Variants in NPHP4 observed in about 807,000 individuals in gnomAD.
NPHP4 encodes nephrocystin-4.
A neutral mutation model predicts 155.8 loss-of-function variants in NPHP4; 151 were observed. The observed-to-expected ratio is 0.97, with a 90% CI of 0.85 to 1.11. The LOEUF (loss-of-function observed/expected upper bound fraction) is 1.11, where lower values mean the gene tolerates loss of function less well. NPHP4 is among the 50% of genes least tolerant of loss of function. The pLI, the probability that NPHP4 is intolerant of heterozygous loss-of-function variation, is 0.00. For synonymous variants in NPHP4, 845 were observed against 816.8 expected (o/e 1.03, Z -0.59); for missense variants, 1,956 against 1,925.7 (o/e 1.02, Z -0.29).
chr1:5,872,753 A>C (rs942876777), intron 23 of NPHP4, among the ~76,000 whole-genome samples: 2 of 152,262 alleles, frequency 1.3e-5, no homozygotes, highest in African/African-American at 4.8e-5. Flanking sequence ...AATAAAAAAC[A>C]ACCTTCAGAA....
chr1:5,956,058 C>CT (rs1491440099), intron 6 of NPHP4, among the ~76,000 whole-genome samples: 11 of 33,168 alleles, frequency 3.3e-4, no homozygotes, highest in African/African-American at 7.8e-4. Flanking sequence ...TTTCAAAAAG[C>CT]TGGGGGGGGG....
chr1:5,871,304 A>G (rs1169276972), intron 23 of NPHP4, among the ~76,000 whole-genome samples: 1 of 152,192 alleles, frequency 6.6e-6, no homozygotes, highest in African/African-American at 2.4e-5. Flanking sequence ...GTGGCCTGAG[A>G]GAGGGCAGTT....
intron 16 of NPHP4, among the ~76,000 whole-genome samples, chr1:5,897,088 G>T (rs1383012741): frequency 2.0e-5 from 3 of 152,196 alleles, no homozygotes; most frequent in Non-Finnish European, 4.4e-5. Context: ...TCTTTGTGGA[G>T]CATGTATATG....
chr1:5,931,142 G>T (rs6660922), intron 10 of NPHP4, among the ~76,000 whole-genome samples: 16 of 152,060 alleles, frequency 1.1e-4, no homozygotes, highest in African/African-American at 3.4e-4. Flanking sequence ...TTTAATTTAC[G>T]TTATATTTAT....
chr1:5,911,326 C>T (rs1645168323), intron 11 of NPHP4, among the ~76,000 whole-genome samples: 2 of 152,210 alleles, frequency 1.3e-5, no homozygotes, highest in East Asian at 1.9e-4. Flanking sequence ...TGAAGCTCCA[C>T]GCCGTTCCTC....
rs1377347208 is a variant in NPHP4 at position 5,905,839 on chromosome 1, C to T, written c.1612-56G>A. On this transcript the variant is annotated intron_variant, in intron 13 of 29. Coordinates refer to ENST00000378156, the MANE Select transcript of NPHP4 (RefSeq NM_015102.5). The surrounding 1 kb of genome is among the most constrained non-coding windows in gnomAD (Gnocchi z 4.0). ...CACCAAGGACCCCAACCCGTAACAA[C>T]CAACGGTGCTCAGATCTAAGGGGAT... is the stretch of plus-strand genomic sequence containing the variant. 4.6e-6 allele frequency: 7 copies of T among 1,528,142 alleles called. No homozygotes were observed. In the African/African-American group the frequency reaches 5.5e-5, roughly 12 times the overall value. The allele number at this position is 1,528,142 out of a possible 1,614,324, so 94.7% of individuals were successfully genotyped here.
chr1:5,965,819 G>C (rs1288826764), intron 5 of NPHP4, among the ~76,000 whole-genome samples: 1 of 152,164 alleles, frequency 6.6e-6, no homozygotes, highest in Non-Finnish European at 1.5e-5. Context: ...GGCATGCAGG[G>C]AGGGCTTTCG....
chr1:5,969,042 GAC>G, intron 4 of NPHP4, 43 bp downstream of exon 4: 1 of 1,104,872 alleles, frequency 9.1e-7, no homozygotes, highest in African/African-American at 1.7e-5. Flanking sequence ...AAAAAAAAAA[GAC>G]AGACGCTGGA....
At chr1:5,941,878 G>A (rs1557789050) in intron 9 of NPHP4, among the ~76,000 whole-genome samples, 1 of 152,212 alleles carries the variant, frequency 6.6e-6, no homozygotes, top group Non-Finnish European at 1.5e-5. Flanking sequence ...GACAGGAGGT[G>A]CCATGCCAGC....
intron 19 of NPHP4, among the ~76,000 whole-genome samples, chr1:5,879,872 T>C (rs935369001): frequency 7.1e-6 from 1 of 140,792 alleles, no homozygotes; most frequent in Non-Finnish European, 1.5e-5. Context: ...CACACACACA[T>C]GCACACACAG....
rs1426173990 is a variant in NPHP4 at position 5,889,437 on chromosome 1, T to C, written c.2304+1431A>G. On this transcript the variant is annotated intron_variant, in intron 17 of 29. Transcript: ENST00000378156. The surrounding 1 kb of genome is among the most constrained non-coding windows in gnomAD (Gnocchi z 4.2). ...TTTAAATTTAATTTATTCAAGTCTATGTCAACAAGCGTAACGGCACTTGTT... is the reference window on the plus strand; with the variant it reads ...TTTAAATTTAATTTATTCAAGTCTACGTCAACAAGCGTAACGGCACTTGTT... 2.0e-5 allele frequency among the ~76,000 whole-genome samples: 3 copies of C among 152,212 alleles called. No individual in the cohort carries two copies. Among genetic ancestry groups the C allele is most frequent in the Non-Finnish European group, 4.4e-5 (3 of 68,038 alleles).
chr1:5,886,890 T>C (rs10746504), intron 18 of NPHP4: 147,229 of 177,362 alleles, frequency 0.83, 61,408 homozygotes, highest in African/African-American at 0.93. Flanking sequence ...ATGCGCCTCT[T>C]CACTCTCCTC....
Position 5,867,644 on chromosome 1 carries a change from C to A in NPHP4, c.3472+96G>T. 5.4e-6 allele frequency: 7 copies of A among 1,295,592 alleles called. No individual in the cohort carries two copies. In the South Asian group the frequency reaches 7.9e-5, roughly 15 times the overall value. The allele number at this position is 1,295,592 out of a possible 1,614,324, so 80.3% of individuals were successfully genotyped here. ...ACGTGCTGCTCTGACAGCACCAGGG[C>A]ATGAAGCCATGAGGCCATCTGTCAC... On this transcript the variant is annotated intron_variant, in intron 24 of 29. Transcript: ENST00000378156. The surrounding 1 kb of genome is among the most constrained non-coding windows in gnomAD (Gnocchi z 4.1).
chr1:5,914,661 CA>C (rs1187260387), intron 11 of NPHP4, among the ~76,000 whole-genome samples: 1 of 152,174 alleles, frequency 6.6e-6, no homozygotes, highest in Non-Finnish European at 1.5e-5. Flanking sequence ...CATTTTCCAA[CA>C]AACATTTTAT....
At position 5,968,976 on chromosome 1, in the gene NPHP4, G is replaced by A. The variant is rs571834334; in HGVS notation, c.452+111C>T. 115 of 663,020 alleles carry A rather than the reference G, an allele frequency of 1.7e-4. 1 individual carries two copies. The highest frequency in any genetic ancestry group is 6.1e-4 in the South Asian group (25 of 41,064). 41.1% of individuals were successfully genotyped at this position (663,020 alleles called of 1,614,324 possible). A position where few individuals can be genotyped will look rare whatever the true frequency, so the allele number is the denominator to read the frequency against. On this transcript the variant is annotated intron_variant, in intron 4 of 29. Coordinates refer to ENST00000378156, the MANE Select transcript of NPHP4 (RefSeq NM_015102.5). ...CAGGAAGCGGAGGTTGCAGTGAGCC[G>A]ACATTACACCACTGCACTCTAGCCT...
chr1:5,886,500 A>C (rs1351450937), intron 18 of NPHP4: 1 of 152,216 alleles, frequency 6.6e-6, no homozygotes, highest in Admixed American at 6.5e-5. Flanking sequence ...ACAGCTTCAG[A>C]AACATCACAC....
At chr1:5,918,622 G>C (rs1385292407) in intron 11 of NPHP4, among the ~76,000 whole-genome samples, 6 of 152,142 alleles carry the variant, frequency 3.9e-5, no homozygotes, top group Non-Finnish European at 7.3e-5. Flanking sequence ...CCTCTCATAA[G>C]CCTGACCGAA....
intron 6 of NPHP4, among the ~76,000 whole-genome samples, chr1:5,953,234 T>G (rs1327175790): frequency 6.6e-6 from 1 of 152,204 alleles, no homozygotes; most frequent in African/African-American, 2.4e-5. Context: ...GCCTCCCAAG[T>G]AGCTGCGATT....
chr1:5,953,000 A>G (rs1648481634), intron 6 of NPHP4, among the ~76,000 whole-genome samples, 164 bp from the exon 7 acceptor site: 1 of 152,130 alleles, frequency 6.6e-6, no homozygotes, highest in South Asian at 2.1e-4. Context: ...CTCCACAACA[A>G]TTAAGCAAAT....
Sources: gnomAD v4.1 joint callset for allele counts (sites outside exome capture counted in the v4.1 genomes callset) on GRCh38, gnomAD v4.1.1 for gene constraint, Gnocchi (gnomAD v3.1) non-coding constraint, MANE v1.5 for transcripts, NCBI Gene and HGNC (gene_info 2026-07-23, HGNC 2026-07-21) for gene names.